PKD2L2: variants seen among roughly 807,000 people sequenced by gnomAD.
PKD2L2 encodes polycystin-2-like protein 2.
In PKD2L2, 67 loss-of-function variants were observed where a neutral mutation model predicts 83.9. That is an observed-to-expected ratio of 0.80 (90% CI 0.66 to 0.98). The LOEUF is 0.98. Ranked by LOEUF, PKD2L2 falls within the 50% of genes least tolerant of loss-of-function variation. PKD2L2 has a pLI of 0.00. For missense variants in PKD2L2, 632 were observed against 717.2 expected, an observed-to-expected ratio of 0.88 and a Z score of 1.36; for synonymous variants, 223 against 237.8, an observed-to-expected ratio of 0.94 and a Z score of 0.57.
chr5:137,926,921 C>T (rs1220401149), intron 12 of PKD2L2, among the ~76,000 whole-genome samples: 1 of 152,082 alleles, frequency 6.6e-6, no homozygotes, highest in East Asian at 1.9e-4. Flanking sequence ...GGTCTTGGAA[C>T]CAATCCCCCA....
intron 12 of PKD2L2, among the ~76,000 whole-genome samples, chr5:137,934,683 A>C (rs547469073): frequency 6.6e-6 from 1 of 152,276 alleles, no homozygotes; most frequent in South Asian, 2.1e-4. Flanking sequence ...GTGGTGGTGC[A>C]CGCCTGTAAT....
At chr5:137,920,134 T>C (rs1312342953) in intron 8 of PKD2L2, among the ~76,000 whole-genome samples, 2 of 152,018 alleles carry the variant, frequency 1.3e-5, no homozygotes, top group Non-Finnish European at 2.9e-5. Flanking sequence ...ACCGGGAAGA[T>C]GGAGATTGCA....
intron 4 of PKD2L2, among the ~76,000 whole-genome samples, chr5:137,898,757 T>C (rs1253239072): frequency 6.6e-6 from 1 of 151,854 alleles, no homozygotes; most frequent in Non-Finnish European, 1.5e-5. Context: ...AGGGTCTTAC[T>C]TGGTCACCCA....
At chr5:137,931,394 G>T (rs1296239761) in intron 12 of PKD2L2, among the ~76,000 whole-genome samples, 1 of 152,100 alleles carries the variant, frequency 6.6e-6, no homozygotes, top group East Asian at 1.9e-4. Flanking sequence ...TATATATTGT[G>T]CCAAAAACAG....
chr5:137,929,455 C>A (rs1257387093), intron 12 of PKD2L2, among the ~76,000 whole-genome samples: 39 of 130,718 alleles, frequency 3.0e-4, no homozygotes, highest in Admixed American at 2.4e-3. Context: ...GAGCGAAACT[C>A]CATCTCAAAA....
intron 7 of PKD2L2, 69 bp downstream of exon 7, chr5:137,907,981 G>A: frequency 1.4e-6 from 1 of 717,732 alleles, no homozygotes; most frequent in Non-Finnish European, 2.1e-6. Context: ...AAACTAAAAA[G>A]CCATGGGGAA....
chr5:137,909,553 T>C (rs1757641060), intron 8 of PKD2L2, among the ~76,000 whole-genome samples: 1 of 148,566 alleles, frequency 6.7e-6, no homozygotes, highest in Non-Finnish European at 1.5e-5. Flanking sequence ...TTTTTTTTTT[T>C]TTTTTTTTGA....
chr5:137,937,537 T>C (rs186737835), intron 14 of PKD2L2, among the ~76,000 whole-genome samples: 7 of 152,340 alleles, frequency 4.6e-5, no homozygotes, highest in Admixed American at 4.6e-4. Flanking sequence ...TATGTTCTCT[T>C]AGCCCAAGCA....
intron 10 of PKD2L2, among the ~76,000 whole-genome samples, chr5:137,923,893 G>C (rs901706168): frequency 6.6e-6 from 1 of 152,134 alleles, no homozygotes; most frequent in Admixed American, 6.6e-5. Context: ...TCTAAACTCA[G>C]AACTCCATGT....
At chr5:137,939,839 T>C (rs761932584) in intron 14 of PKD2L2, 11 of 1,287,106 alleles carry the variant, frequency 8.5e-6, no homozygotes, top group East Asian at 3.1e-5. Flanking sequence ...AGTATGAAGA[T>C]TTTCCTCCAA....
intron 8 of PKD2L2, among the ~76,000 whole-genome samples, chr5:137,909,858 T>C (rs572053070): frequency 6.6e-6 from 1 of 152,258 alleles, no homozygotes; most frequent in South Asian, 2.1e-4. Flanking sequence ...AAGTGTTTTC[T>C]TTAGAGGGCT....
chr5:137,891,576 G>A (rs1326835936), intron 2 of PKD2L2, among the ~76,000 whole-genome samples: 1 of 152,008 alleles, frequency 6.6e-6, no homozygotes, highest in Non-Finnish European at 1.5e-5. Flanking sequence ...AGAACATTTG[G>A]AAAATGTAAA....
intron 10 of PKD2L2, 124 bp downstream of exon 10, chr5:137,923,645 C>T: frequency 3.1e-6 from 2 of 653,862 alleles, no homozygotes; most frequent in Non-Finnish European, 2.8e-6. Flanking sequence ...CCATCCCATC[C>T]CCAGGGTTTG....
intron 8 of PKD2L2, among the ~76,000 whole-genome samples, chr5:137,919,855 A>G (rs1758730197): frequency 6.6e-6 from 1 of 152,218 alleles, no homozygotes; most frequent in Non-Finnish European, 1.5e-5. Flanking sequence ...GGCAAAAGCA[A>G]TAAGGGACAA....
chr5:137,913,184 CTTTTTTTTT>C (rs35984179), intron 8 of PKD2L2, among the ~76,000 whole-genome samples: 1 of 104,852 alleles, frequency 9.5e-6, no homozygotes, highest in African/African-American at 3.5e-5. Flanking sequence ...CTTCTTTTTT[CTTTTTTTTT>C]TTTTTTTTTT....
chr5:137,907,982 C>T (rs1561685474), intron 7 of PKD2L2, 70 bp downstream of exon 7: 2 of 713,912 alleles, frequency 2.8e-6, no homozygotes, highest in Non-Finnish European at 4.1e-6. Context: ...AACTAAAAAG[C>T]CATGGGGAAA....
chr5:137,899,965 A>G (rs1162659499), intron 5 of PKD2L2, among the ~76,000 whole-genome samples: 1 of 152,236 alleles, frequency 6.6e-6, no homozygotes, highest in African/African-American at 2.4e-5. Context: ...ATTAAGAAAA[A>G]GTTAGGCATG....
chr5:137,897,817 A>G (rs1389580527), intron 4 of PKD2L2, among the ~76,000 whole-genome samples: 1 of 152,194 alleles, frequency 6.6e-6, no homozygotes, highest in East Asian at 1.9e-4. Flanking sequence ...TAGTGTTATT[A>G]GTAGAACAGG....
chr5:137,910,243 T>C (rs1226463260), intron 8 of PKD2L2, among the ~76,000 whole-genome samples: 1 of 142,914 alleles, frequency 7.0e-6, no homozygotes, highest in Non-Finnish European at 1.5e-5. Context: ...ATAATAATAA[T>C]AATAATAATA....
Sources: gnomAD v4.1 joint callset for allele counts (sites outside exome capture counted in the v4.1 genomes callset) on GRCh38, gnomAD v4.1.1 for gene constraint, MANE v1.5 for transcripts, NCBI Gene and HGNC (gene_info 2026-07-23, HGNC 2026-07-21) for gene names.